Variants in TFEC observed in about 807,000 individuals in gnomAD.
TFEC encodes the protein transcription factor EC.
A neutral mutation model predicts 41.6 loss-of-function variants in TFEC; 31 were observed. The observed-to-expected ratio is 0.74, with a 90% CI of 0.56 to 1.01. The LOEUF (loss-of-function observed/expected upper bound fraction) is 1.01, where lower values mean the gene tolerates loss of function less well. Among genes scored for constraint, TFEC ranks in the 50% least tolerant of loss-of-function variants. The pLI, the probability that TFEC is intolerant of heterozygous loss-of-function variation, is 0.00. For missense variants in TFEC, 402 were observed against 404.1 expected, an observed-to-expected ratio of 0.99 and a Z score of 0.04; for synonymous variants, 143 against 140.6, an observed-to-expected ratio of 1.02 and a Z score of -0.12.
intron 1 of TFEC, among the ~76,000 whole-genome samples, chr7:116,137,474 G>C (rs1314671620): frequency 6.6e-6 from 1 of 152,112 alleles, no homozygotes; most frequent in Non-Finnish European, 1.5e-5. Context: ...TATAGGCCTT[G>C]ACAGTGACTC....
chr7:116,025,521 C>T (rs933974807), intron 1 of TFEC, among the ~76,000 whole-genome samples: 3 of 152,100 alleles, frequency 2.0e-5, no homozygotes, highest in Non-Finnish European at 4.4e-5. Flanking sequence ...TCAACCTTCA[C>T]CCTCAGGCCC....
At chr7:115,994,649 C>A (rs1420837874) in intron 1 of TFEC, among the ~76,000 whole-genome samples, 1 of 152,136 alleles carries the variant, frequency 6.6e-6, no homozygotes. Flanking sequence ...TAATGAGATA[C>A]CATCTCACAC....
intron 1 of TFEC, among the ~76,000 whole-genome samples, chr7:116,139,019 G>A (rs1798488168): frequency 6.6e-6 from 1 of 152,042 alleles, no homozygotes. Context: ...CCATATTACA[G>A]GAGGCTTCTA....
chr7:116,040,422 G>A (rs912616738), intron 3 of TFEC, among the ~76,000 whole-genome samples: 10 of 151,958 alleles, frequency 6.6e-5, no homozygotes, highest in Non-Finnish European at 1.0e-4. Flanking sequence ...TTTGGCTTTC[G>A]AAGAGAGAAG....
rs146382575 is a variant in TFEC, at chr7:116,041,821, C to T, written c.199-57308G>A. 9.1e-4 allele frequency among the ~76,000 whole-genome samples: 138 copies of T among 152,272 alleles called. 3 individuals carry two copies. The East Asian group carries it at 0.023, about 26-fold the overall frequency. On this transcript the variant is annotated intron_variant, in intron 3 of 8. Transcript: ENST00000484212. ...GACAGCACATACCCACACGCACAGA[C>T]GCATGCACACATGCAAACATTGTGG...
At chr7:115,964,775 A>G (rs1792756328) in intron 3 of TFEC, among the ~76,000 whole-genome samples, 1 of 151,588 alleles carries the variant, frequency 6.6e-6, no homozygotes. Flanking sequence ...AATTCTAGCC[A>G]AGGTAATAAG....
At chr7:116,028,991 T>G (rs950747191) in intron 1 of TFEC, among the ~76,000 whole-genome samples, 4 of 152,160 alleles carry the variant, frequency 2.6e-5, no homozygotes, top group African/African-American at 9.7e-5. Flanking sequence ...TATTTAAATG[T>G]CTTGTAATTA....
intron 1 of TFEC, among the ~76,000 whole-genome samples, chr7:116,130,256 C>T (rs1798305265): frequency 6.6e-6 from 1 of 152,186 alleles, no homozygotes; most frequent in South Asian, 2.1e-4. Context: ...CTTATCCATT[C>T]ACTAGCTAGA....
At chr7:116,097,550 G>C (rs1797495597) in intron 3 of TFEC, among the ~76,000 whole-genome samples, 1 of 152,196 alleles carries the variant, frequency 6.6e-6, no homozygotes, top group African/African-American at 2.4e-5. Flanking sequence ...GCTACTAAGT[G>C]ACTAACAGGA....
chr7:115,948,979 C>T (rs1250379280), intron 6 of TFEC, among the ~76,000 whole-genome samples: 1 of 151,710 alleles, frequency 6.6e-6, no homozygotes, highest in Non-Finnish European at 1.5e-5. Context: ...TCTCCTTAAG[C>T]TGATAAGCAA....
chr7:116,114,242 A>G lies in TFEC; in HGVS notation c.-68-2204T>C, dbSNP rs1253351866. On this transcript the variant is annotated intron_variant, in intron 1 of 8. Coordinates refer to the TFEC transcript ENST00000484212. ...CCCACTTCAGCGAAAAACACACAAT[A>G]TTTCATTTGGGCTCAAAATTTAAAT... 2.0e-5 allele frequency among the ~76,000 whole-genome samples: 3 copies of G among 152,010 alleles called. No individual in the cohort carries two copies. The East Asian group carries it at 5.8e-4, about 29-fold the overall frequency.
At chr7:116,123,534 T>C (rs535910119) in intron 1 of TFEC, among the ~76,000 whole-genome samples, 4 of 151,988 alleles carry the variant, frequency 2.6e-5, no homozygotes, top group African/African-American at 9.6e-5. Context: ...AAAAAAAAAA[T>C]TGAATGCTTA....
At chr7:116,008,970 G>T (rs1442814686) in intron 1 of TFEC, among the ~76,000 whole-genome samples, 1 of 152,098 alleles carries the variant, frequency 6.6e-6, no homozygotes, top group South Asian at 2.1e-4. Flanking sequence ...TTTGAGAAAA[G>T]ATCCACACTT....
chr7:116,071,414 C>T (rs937458901), intron 3 of TFEC, among the ~76,000 whole-genome samples: 1 of 149,886 alleles, frequency 6.7e-6, no homozygotes, highest in Non-Finnish European at 1.5e-5. Flanking sequence ...AGGTAGATAG[C>T]AATACAGAAA....
chr7:116,140,640 G>C (rs1210196386), intron 1 of TFEC, among the ~76,000 whole-genome samples: 11 of 152,198 alleles, frequency 7.2e-5, no homozygotes, highest in African/African-American at 2.7e-4. Flanking sequence ...AACTACTTTA[G>C]ATGTAATGCC....
chr7:115,973,291 TC>T (rs1793218753), intron 3 of TFEC, among the ~76,000 whole-genome samples: 1 of 151,960 alleles, frequency 6.6e-6, no homozygotes, highest in South Asian at 2.1e-4. Flanking sequence ...CCATTTTTTT[TC>T]TAGGCCCTAA....
chr7:116,129,258 G>A (rs1388930769), intron 1 of TFEC, among the ~76,000 whole-genome samples: 2 of 152,016 alleles, frequency 1.3e-5, no homozygotes, highest in Non-Finnish European at 2.9e-5. Flanking sequence ...ATACTCAGGA[G>A]ACAGTGGTTC....
intron 3 of TFEC, among the ~76,000 whole-genome samples, chr7:116,098,142 T>C (rs889088322): frequency 6.6e-6 from 1 of 152,146 alleles, no homozygotes; most frequent in Admixed American, 6.5e-5. Context: ...GAAAAAGATA[T>C]ACTATGCAAA....
At chr7:116,137,838 T>C (rs1013185835) in intron 1 of TFEC, among the ~76,000 whole-genome samples, 4 of 151,896 alleles carry the variant, frequency 2.6e-5, no homozygotes, top group Admixed American at 2.6e-4. Flanking sequence ...ATGATACTTG[T>C]GAAAACCCTC....
Sources: gnomAD v4.1 joint callset for allele counts (sites outside exome capture counted in the v4.1 genomes callset) on GRCh38, gnomAD v4.1.1 for gene constraint, MANE v1.5 for transcripts, NCBI Gene and HGNC (gene_info 2026-07-23, HGNC 2026-07-21) for gene names.